KLRG1: variants seen among roughly 807,000 people sequenced by gnomAD.
KLRG1 encodes the protein killer cell lectin like receptor G1.
A neutral mutation model predicts 21.8 loss-of-function variants in KLRG1; 16 were observed. That is an observed-to-expected ratio of 0.73 (90% CI 0.50 to 1.11). KLRG1 has a LOEUF of 1.11. Among genes scored for constraint, KLRG1 ranks in the 50% most tolerant of loss-of-function variants. The pLI, the probability that KLRG1 is intolerant of heterozygous loss-of-function variation, is 0.00. For synonymous variants in KLRG1, 69 were observed against 75.9 expected, an observed-to-expected ratio of 0.91 and a Z score of 0.47; for missense variants, 173 against 218.3, an observed-to-expected ratio of 0.79 and a Z score of 1.31.
chr12:9,159,300 A>G, the KLRG1 span, among the ~76,000 whole-genome samples: 1 of 152,260 alleles, frequency 6.6e-6, no homozygotes, highest in Non-Finnish European at 1.5e-5. Context: ...CACTTATTAG[A>G]TGTTTGCTCC....
In KLRG1 at chr12:8,977,674, C is replaced by CT. The variant is rs201008797; in HGVS notation, c.-155-14524dup. Among the ~76,000 whole-genome samples the CT allele has an allele frequency of 5.8e-3, 883 of 151,834 alleles. 11 individuals carry two copies. Among genetic ancestry groups the CT allele is most frequent in the African/African-American group, 0.02 (846 of 41,394 alleles). On this transcript the variant is annotated intron_variant, in intron 1 of 4. Coordinates refer to the KLRG1 transcript ENST00000539240. ...CTTCTCTTCCTCTCTTGCTGTCTTC[C>CT]TTTTTTTTATTTGATGATTTTTATA...
At chr12:9,103,836 G>A in the KLRG1 span, among the ~76,000 whole-genome samples, 5 of 152,200 alleles carry the variant, frequency 3.3e-5, no homozygotes, top group African/African-American at 9.6e-5. Context: ...GGGTAGCCTC[G>A]ATCTCTCAGC....
At chr12:9,067,745 T>C in the KLRG1 span, 1 of 1,355,788 alleles carries the variant, frequency 7.4e-7, no homozygotes. Context: ...ATCAAGTCTT[T>C]AAAGATACAA....
chr12:9,074,733 GC>G, the KLRG1 span: 1 of 1,613,900 alleles, frequency 6.2e-7, no homozygotes, highest in Non-Finnish European at 8.5e-7. Flanking sequence ...TCGTAAAAAT[GC>G]CCCACTGGTG....
chr12:9,144,129 T>C, the KLRG1 span, among the ~76,000 whole-genome samples: 4 of 151,698 alleles, frequency 2.6e-5, no homozygotes, highest in African/African-American at 9.7e-5. Context: ...CCAGTTGGAA[T>C]TGGCAAAGGG....
the KLRG1 span, chr12:9,099,510 A>C: frequency 6.2e-7 from 1 of 1,609,204 alleles, no homozygotes; most frequent in Non-Finnish European, 8.5e-7. Flanking sequence ...TTGAGATGGA[A>C]AAATGGCCCT....
chr12:9,200,285 A>G, the KLRG1 span: 1 of 958,758 alleles, frequency 1.0e-6, no homozygotes, highest in Non-Finnish European at 1.5e-6. Context: ...AGGCAAAGTA[A>G]ATTTATAATT....
chr12:9,148,876 T>G, the KLRG1 span: 1 of 1,094,680 alleles, frequency 9.1e-7, no homozygotes, highest in Non-Finnish European at 1.4e-6. Context: ...TCAGCAAATA[T>G]TTTTAGTGTC....
the KLRG1 span, among the ~76,000 whole-genome samples, chr12:9,183,285 C>T: frequency 1.3e-5 from 2 of 152,108 alleles, no homozygotes; most frequent in Non-Finnish European, 2.9e-5. Flanking sequence ...GCTGTTCTTG[C>T]CACACATACA....
the KLRG1 span, among the ~76,000 whole-genome samples, chr12:9,138,492 G>A: frequency 2.0e-5 from 3 of 151,676 alleles, no homozygotes; most frequent in South Asian, 4.2e-4. Flanking sequence ...TCCTTGTCTG[G>A]CTTTGGTAGC....
At chr12:9,101,722 G>C in the KLRG1 span, 1 of 1,414,050 alleles carries the variant, frequency 7.1e-7, no homozygotes, top group Non-Finnish European at 9.7e-7. Context: ...ACGTCATAAA[G>C]ATTAATGTTC....
At chr12:8,998,728 G>T (rs941432002) in intron 3 of KLRG1, among the ~76,000 whole-genome samples, 2 of 150,722 alleles carry the variant, frequency 1.3e-5, no homozygotes, top group Non-Finnish European at 2.9e-5. Context: ...CACCTTCAAA[G>T]TCACTTATAG....
At chr12:9,195,199 T>C in the KLRG1 span, among the ~76,000 whole-genome samples, 46 of 151,902 alleles carry the variant, frequency 3.0e-4, no homozygotes, top group Admixed American at 1.4e-3. Context: ...TCACATGTAC[T>C]CCCCAAAATT....
the KLRG1 span, among the ~76,000 whole-genome samples, chr12:9,060,159 C>T: frequency 6.6e-6 from 1 of 151,900 alleles, no homozygotes; most frequent in Non-Finnish European, 1.5e-5. Context: ...TGCCCGCCAC[C>T]ACATCCGGCT....
At chr12:9,107,318 C>T in the KLRG1 span, among the ~76,000 whole-genome samples, 1 of 152,096 alleles carries the variant, frequency 6.6e-6, no homozygotes, top group Non-Finnish European at 1.5e-5. Flanking sequence ...CAGTGTCTAT[C>T]GTTCTGAAAC....
chr12:9,019,190 C>T, the KLRG1 span, among the ~76,000 whole-genome samples: 1 of 152,184 alleles, frequency 6.6e-6, no homozygotes, highest in Non-Finnish European at 1.5e-5. Context: ...CATCACTGAT[C>T]ATCAGAGAAA....
the KLRG1 span, chr12:9,162,591 T>A: frequency 6.4e-7 from 1 of 1,572,400 alleles, no homozygotes; most frequent in Non-Finnish European, 8.7e-7. Context: ...GAAGATGGAC[T>A]CTTACCTGAG....
chr12:9,074,305 G>C, the KLRG1 span, among the ~76,000 whole-genome samples: 2 of 152,140 alleles, frequency 1.3e-5, no homozygotes, highest in African/African-American at 4.8e-5. Context: ...TGCTGCTTGA[G>C]GAAGGCAGTG....
At chr12:9,200,100 G>T in the KLRG1 span, among the ~76,000 whole-genome samples, 49 of 152,276 alleles carry the variant, frequency 3.2e-4, no homozygotes, top group African/African-American at 1.2e-3. Context: ...AAAATATCAT[G>T]ATCTTTGTGA....
Sources: gnomAD v4.1 joint callset for allele counts (sites outside exome capture counted in the v4.1 genomes callset) on GRCh38, gnomAD v4.1.1 for gene constraint, MANE v1.5 for transcripts, NCBI Gene and HGNC (gene_info 2026-07-23, HGNC 2026-07-21) for gene names.